Variants in FCHO1 observed in about 807,000 individuals in gnomAD.
FCHO1 encodes the protein F-BAR domain only protein 1.
A neutral mutation model predicts 114.4 loss-of-function variants in FCHO1; 45 were observed. That is an observed-to-expected ratio of 0.39 (90% confidence interval 0.31 to 0.50). The LOEUF (loss-of-function observed/expected upper bound fraction) is 0.50. Among genes scored for constraint, FCHO1 ranks in the 20% least tolerant of loss-of-function variants. The probability of loss-of-function intolerance (pLI) is 0.77; values close to 1 mark genes in which losing one functional copy is unlikely to be tolerated. For synonymous variants in FCHO1, 480 were observed against 488.9 expected, an observed-to-expected ratio of 0.98 and a Z score of 0.24; for missense variants, 1,042 against 1,209.6, an observed-to-expected ratio of 0.86 and a Z score of 2.06.
chr19:17,760,884 A>T (rs2085867011), intron 4 of FCHO1, among the ~76,000 whole-genome samples: 1 of 151,772 alleles, frequency 6.6e-6, no homozygotes, highest in Non-Finnish European at 1.5e-5. Context: ...CAAGACCTCA[A>T]GTGATCTGCC....
At chr19:17,764,832 G>A (rs764574341) in intron 6 of FCHO1, among the ~76,000 whole-genome samples, 22 of 152,128 alleles carry the variant, frequency 1.4e-4, no homozygotes, top group Non-Finnish European at 2.9e-4. Flanking sequence ...TTGGGAGGCT[G>A]AAGTGGGCGG....
In FCHO1 at chr19:17,764,240, C is replaced by T. The variant is rs1183428955; in HGVS notation, c.120-135C>T. The stretch of plus-strand genomic sequence containing the variant: ...ATTTTTAGTAGAGACAGGGTTTCAC[C>T]AAGTTGGCCAGGCTGGTCTTGAACT... On this transcript the variant is annotated intron_variant, in intron 5 of 28. Transcript: ENST00000596536. 4 of 788,764 alleles carry T rather than the reference C, an allele frequency of 5.1e-6. No individual in the cohort carries two copies. In the East Asian group the frequency reaches 1.1e-4, roughly 22 times the overall value. The allele number at this position is 788,764 out of a possible 1,614,324, so 48.9% of individuals were successfully genotyped here.
chr19:17,786,989 C>T (rs1318199748), intron 27 of FCHO1, among the ~76,000 whole-genome samples: 2 of 151,670 alleles, frequency 1.3e-5, no homozygotes, highest in Non-Finnish European at 2.9e-5. Context: ...TTTGGGAGGC[C>T]GAGGTGGGTA....
Position 17,784,264 on chromosome 19 carries a change from G to A in FCHO1, c.2226+29G>A, listed in dbSNP as rs1480062665. ...CGCCACCCGCATGGGGCCGGGAGGA[G>A]GTGGTGGAGTGGGGGACACGGTGAG... is the stretch of plus-strand genomic sequence containing the variant. On this transcript the variant is annotated intron_variant, in intron 25 of 28. Transcript: ENST00000596536. The surrounding 1 kb of genome is among the most constrained non-coding windows in gnomAD (Gnocchi z 5.3). 6.4e-7 allele frequency: 1 copy of A among 1,572,942 alleles called. No homozygotes were observed. Among genetic ancestry groups the A allele is most frequent in the Non-Finnish European group, 8.6e-7 (1 of 1,159,356 alleles).
chr19:17,781,478 G>A lies in FCHO1; in HGVS notation c.1767G>A (p.Leu589=). The change falls in exon 22 of 29, where the codon CTG becomes CTA. Residue 589 remains leucine (L), a synonymous_variant. Transcript: ENST00000596536. ...CTCGTTCCCTGAGCCCCTCCCCACTGGGCTCTTCAGCCGCCAGCACTGCCT... is the reference window on the plus strand; with the variant it reads ...CTCGTTCCCTGAGCCCCTCCCCACTAGGCTCTTCAGCCGCCAGCACTGCCT... ...DLSRSLSPSP[L]GSSAASTALE... is the part of the protein sequence containing the mutation. 1 of 1,614,012 alleles carries A rather than the reference G, an allele frequency of 6.2e-7. No individual in the cohort carries two copies. Among genetic ancestry groups the A allele is most frequent in the Non-Finnish European group, 8.5e-7 (1 of 1,179,992 alleles).
Position 17,766,536 on chromosome 19 carries a change from G to A in FCHO1, c.195-133G>A, listed in dbSNP as rs1599634648. The A allele has an allele frequency of 5.0e-6, 6 of 1,197,152 alleles. No individual in the cohort carries two copies. In the East Asian group the frequency reaches 7.6e-5, roughly 15 times the overall value. The allele number at this position is 1,197,152 out of a possible 1,614,324, so 74.2% of individuals were successfully genotyped here. ...CAGGCCCGCCTCTTACAGCTGCCAT[G>A]GAGATTATATGAATTAGTATTCATT... is the stretch of plus-strand genomic sequence containing the variant. On this transcript the variant is annotated intron_variant, in intron 6 of 28. Coordinates refer to ENST00000596536, the MANE Select transcript of FCHO1 (RefSeq NM_015122.3).
intron 4 of FCHO1, among the ~76,000 whole-genome samples, chr19:17,760,704 T>C (rs2085772855): frequency 6.6e-6 from 1 of 152,014 alleles, no homozygotes; most frequent in South Asian, 2.1e-4. Flanking sequence ...GGCTGTAGTG[T>C]AGTGACATGA....
At chr19:17,767,563 T>TCAAAAA (rs759888511) in intron 7 of FCHO1, among the ~76,000 whole-genome samples, 8 of 114,270 alleles carry the variant, frequency 7.0e-5, no homozygotes, top group African/African-American at 2.1e-4. Flanking sequence ...AAAGACTGTC[T>TCAAAAA]AAAAAAAAAA....
Position 17,776,561 on chromosome 19 carries a change from G to C in FCHO1, c.1208-74G>C. On this transcript the variant is annotated intron_variant, in intron 17 of 28. Transcript: ENST00000596536. This position sits in a 1 kb window ranked among gnomAD's most constrained non-coding sequence, Gnocchi z 4.4. ...ACTGGCTGGACACCCCCGAGCCTCGGTCCCTTGGTCTGTGGAGTGGGGAGC... is the reference window on the plus strand; with the variant it reads ...ACTGGCTGGACACCCCCGAGCCTCGCTCCCTTGGTCTGTGGAGTGGGGAGC... The C allele has an allele frequency of 6.4e-7, 1 of 1,556,950 alleles. No individual in the cohort carries two copies. Among genetic ancestry groups the C allele is most frequent in the Non-Finnish European group, 8.9e-7 (1 of 1,128,912 alleles).
chr19:17,753,372 G>C (rs2082484016), intron 1 of FCHO1, among the ~76,000 whole-genome samples: 1 of 152,320 alleles, frequency 6.6e-6, no homozygotes, highest in African/African-American at 2.4e-5. Flanking sequence ...ATAATTCCTT[G>C]CCCAGTGAAC....
Position 17,781,506 on chromosome 19 carries a change from GA to G in FCHO1, c.1797del (p.Glu599AspfsTer30). The G allele has an allele frequency of 6.2e-7, 1 of 1,614,022 alleles. No individual in the cohort carries two copies. The highest frequency in any genetic ancestry group is 8.5e-7 in the Non-Finnish European group (1 of 1,180,006). On this transcript the variant is annotated frameshift_variant, in exon 22 of 29. Transcript: ENST00000596536. LOFTEE classifies it high-confidence loss of function. ...CTCTTCAGCCGCCAGCACTGCCTTG[GA>G]ACGGCCCAGCTTCTTATCCCAGACA... ...LGSSAASTAL[E>X]RPSFLSQTGH...
rs1448572794 is a variant in FCHO1, at chr19:17,776,601, G to A, written c.1208-34G>A. ...GAGTGGGGAGCATTGCAGGCAGGGT[G>A]ACAAGAAGGCTGAAGGAGGTGCATC... is the stretch of plus-strand genomic sequence containing the variant. On this transcript the variant is annotated intron_variant, in intron 17 of 28. Coordinates refer to ENST00000596536, the MANE Select transcript of FCHO1 (RefSeq NM_015122.3). The surrounding 1 kb of genome is among the most constrained non-coding windows in gnomAD (Gnocchi z 4.4). 6.2e-7 allele frequency: 1 copy of A among 1,612,654 alleles called. No individual in the cohort carries two copies. The highest frequency in any genetic ancestry group is 8.5e-7 in the Non-Finnish European group (1 of 1,178,778).
intron 4 of FCHO1, 23 bp from the exon 5 acceptor site, chr19:17,762,739 A>G (rs1389194345): frequency 4.5e-6 from 7 of 1,564,988 alleles, no homozygotes; most frequent in East Asian, 2.2e-5. Flanking sequence ...TCCTTTCTCA[A>G]TCTCTATTCC....
chr19:17,755,535 G>T, intron 4 of FCHO1: 1 of 222,678 alleles, frequency 4.5e-6, no homozygotes, highest in Non-Finnish European at 8.9e-6. Context: ...TCCAGCCAGG[G>T]AACTTCCACC....
At chr19:17,787,973 G>A in intron 28 of FCHO1, 127 bp downstream of exon 28, 1 of 1,201,602 alleles carries the variant, frequency 8.3e-7, no homozygotes, top group Non-Finnish European at 1.2e-6. Flanking sequence ...GGGGCCAGGA[G>A]ACCCCAGATG....
Position 17,776,631 on chromosome 19 carries a change from G to C in FCHO1, c.1208-4G>C. Reference sequence around the variant, plus strand: ...GAAGGCTGAAGGAGGTGCATCTCTTGTAGGGGACGCTGCTGGGAAACCCCA... The same window carrying C: ...GAAGGCTGAAGGAGGTGCATCTCTTCTAGGGGACGCTGCTGGGAAACCCCA... On this transcript the variant is annotated splice_polypyrimidine_tract_variant and splice_region_variant and intron_variant, in intron 17 of 28. Coordinates refer to ENST00000596536, the MANE Select transcript of FCHO1 (RefSeq NM_015122.3). The surrounding 1 kb of genome is among the most constrained non-coding windows in gnomAD (Gnocchi z 4.4). The C allele has an allele frequency of 6.2e-7, 1 of 1,613,944 alleles. No homozygotes were observed. The highest frequency in any genetic ancestry group is 8.5e-7 in the Non-Finnish European group (1 of 1,179,956).
At chr19:17,771,864 G>C (rs1329290756) in intron 9 of FCHO1, among the ~76,000 whole-genome samples, 3 of 151,918 alleles carry the variant, frequency 2.0e-5, no homozygotes, top group Non-Finnish European at 4.4e-5. Context: ...TCAGGCTGGA[G>C]TGCAGTGGCG....
At chr19:17,781,409 G>A in intron 21 of FCHO1, 43 bp from the exon 22 acceptor site, 1 of 1,611,794 alleles carries the variant, frequency 6.2e-7, no homozygotes, top group Non-Finnish European at 8.5e-7. Context: ...TTGGGCACTG[G>A]TCCTGGGGCA....
chr19:17,756,039 A>C (rs1272976961), intron 4 of FCHO1, among the ~76,000 whole-genome samples: 1 of 152,146 alleles, frequency 6.6e-6, no homozygotes, highest in Non-Finnish European at 1.5e-5. Context: ...TCAGGGAAGG[A>C]CCAGGTCAGA....
Sources: gnomAD v4.1 joint callset for allele counts (sites outside exome capture counted in the v4.1 genomes callset) on GRCh38, gnomAD v4.1.1 for gene constraint, Gnocchi (gnomAD v3.1) non-coding constraint, MANE v1.5 for transcripts, NCBI Gene and HGNC (gene_info 2026-07-23, HGNC 2026-07-21) for gene names.